CELSR1: variants seen among roughly 807,000 people sequenced by gnomAD.
The protein encoded by CELSR1 is adhesion G protein-coupled receptor C1.
Under a neutral mutation model 249.1 loss-of-function variants are expected in CELSR1, and 110 were observed. That is an observed-to-expected ratio of 0.44 (90% CI 0.38 to 0.52). The LOEUF (loss-of-function observed/expected upper bound fraction) is 0.52, where lower values mean the gene tolerates loss of function less well. Among genes scored for constraint, CELSR1 ranks in the 20% least tolerant of loss-of-function variants. The probability of loss-of-function intolerance (pLI) is 0.00; values close to 1 mark genes in which losing one functional copy is unlikely to be tolerated. For synonymous variants in CELSR1, 2,113 were observed against 1,900.0 expected, an observed-to-expected ratio of 1.11 and a Z score of -2.92; for missense variants, 4,109 against 4,296.4, an observed-to-expected ratio of 0.96 and a Z score of 1.22.
chr22:46,391,359 C>A lies in CELSR1; in HGVS notation c.6149-72G>T. On this transcript the variant is annotated intron_variant, in intron 15 of 34. Coordinates refer to ENST00000674500, the MANE Select transcript of CELSR1 (RefSeq NM_001378328.1). The surrounding 1 kb of genome is among the most constrained non-coding windows in gnomAD (Gnocchi z 4.3). ...CACGACCACAAACAGGCACCACTGT[C>A]TGCATGCGCCTCCCTGCAGGAGGCC... The A allele has an allele frequency of 7.5e-7, 1 of 1,334,412 alleles. No individual in the cohort carries two copies. Among genetic ancestry groups the A allele is most frequent in the South Asian group, 1.2e-5 (1 of 80,686 alleles). The allele number at this position is 1,334,412 out of a possible 1,614,324, so 82.7% of individuals were successfully genotyped here.
rs1294354284 is a variant in CELSR1 at position 46,430,579 on chromosome 22, C to A, written c.4611+2814G>T. Among the ~76,000 whole-genome samples the A allele has an allele frequency of 6.6e-6, 1 of 152,186 alleles. No individual in the cohort carries two copies. The highest frequency in any genetic ancestry group is 1.5e-5 in the Non-Finnish European group (1 of 68,030). On this transcript the variant is annotated intron_variant, in intron 5 of 34. Coordinates refer to ENST00000674500, the MANE Select transcript of CELSR1 (RefSeq NM_001378328.1). The surrounding 1 kb of genome is among the most constrained non-coding windows in gnomAD (Gnocchi z 4.6). ...TCCTCCTCCTGGGGGTCCCCTCCCA[C>A]CCTGAGCCTGTCGTCTTCCCCAAAA...
rs1602124622 is a variant in CELSR1 at position 46,430,189 on chromosome 22, G to C, written c.4611+3204C>G. Among the ~76,000 whole-genome samples the C allele has an allele frequency of 1.3e-5, 2 of 152,238 alleles. No individual in the cohort carries two copies. The highest frequency in any genetic ancestry group is 4.1e-4 in the South Asian group (2 of 4,830). ...GCCACTCTGGAGGGCGGGGGACAGA[G>C]AACGAGACTGAAGAGAGGAGGGTGG... is the stretch of plus-strand genomic sequence containing the variant. On this transcript the variant is annotated intron_variant, in intron 5 of 34. Transcript: ENST00000674500. This position sits in a 1 kb window ranked among gnomAD's most constrained non-coding sequence, Gnocchi z 4.6.
chr22:46,438,412 A>G (rs1203243490), intron 3 of CELSR1, among the ~76,000 whole-genome samples: 2 of 152,140 alleles, frequency 1.3e-5, no homozygotes, highest in African/African-American at 4.8e-5. Flanking sequence ...GGCCCTGCCC[A>G]CAGCCCCCAC....
chr22:46,405,740 T>C (rs1202433930), intron 9 of CELSR1, among the ~76,000 whole-genome samples: 2 of 152,166 alleles, frequency 1.3e-5, no homozygotes, highest in African/African-American at 2.4e-5. Context: ...GGGATTACAA[T>C]GGAGTCTTCT....
At chr22:46,376,470 G>A (rs1443970890) in intron 24 of CELSR1, among the ~76,000 whole-genome samples, 1 of 152,112 alleles carries the variant, frequency 6.6e-6, no homozygotes, top group East Asian at 1.9e-4. Context: ...TGCCTCCCAG[G>A]CTCAAGCAAT....
rs781480642 is a variant in CELSR1 at position 46,535,086 on chromosome 22, A to T, written c.2085T>A (p.Arg695=). 6 of 1,612,192 alleles carry T rather than the reference A, an allele frequency of 3.7e-6. No individual in the cohort carries two copies. The Admixed American group carries it at 1.0e-4, about 27-fold the overall frequency. ...TCCCCACGGCCGCATCCTCATTCAGACGAAGCTCGTAGGTGGGCTGCGTGA... is the reference window on the plus strand; with the variant it reads ...TCCCCACGGCCGCATCCTCATTCAGTCGAAGCTCGTAGGTGGGCTGCGTGA... ...PVFTQPTYEL[R]LNEDAAVGSS... is the part of the protein sequence containing the mutation. The change falls in exon 1 of 35, where the codon CGT becomes CGA. Residue 695 remains arginine (R), a synonymous_variant. Transcript: ENST00000674500.
At chr22:46,366,549 CTG>C in intron 29 of CELSR1, 69 bp from the exon 30 acceptor site, 1 of 1,267,222 alleles carries the variant, frequency 7.9e-7, no homozygotes, top group Non-Finnish European at 1.1e-6. Flanking sequence ...GGGAATGACT[CTG>C]TCCCCACGGC....
rs2080833404 is a variant in CELSR1 at position 46,534,860 on chromosome 22, G to A, written c.2311C>T (p.His771Tyr). Residue 771 changes from histidine (H) to tyrosine (Y), a missense_variant, in exon 1 of 35, where the codon CAC becomes TAC. By Grantham distance (83) the His-to-Tyr change is moderately conservative (BLOSUM62 2). Around this residue, in one of 7 missense-constraint regions of CELSR1, gnomAD observed 886 missense variants for 896.5 expected, o/e 0.99. Coordinates refer to ENST00000674500, the MANE Select transcript of CELSR1 (RefSeq NM_001378328.1). The surrounding 1 kb of genome is among the most constrained non-coding windows in gnomAD (Gnocchi z 9.7). ...ACGTTGATTAGGACATGCGCAGTGT[G>A]CGACCGTGTGCCGTCGGATGCTGTC... The part of the protein sequence containing the change: ...AVTASDGTRS[H>Y]TAHVLINVTD... The A allele has an allele frequency of 3.7e-6, 6 of 1,612,752 alleles. No individual in the cohort carries two copies. The Admixed American group carries it at 6.7e-5, about 18-fold the overall frequency.
chr22:46,525,329 A>G lies in CELSR1; in HGVS notation c.3544+8298T>C, dbSNP rs568419276. Among the ~76,000 whole-genome samples the G allele has an allele frequency of 3.8e-4, 58 of 152,152 alleles. 1 individual carries two copies. Among genetic ancestry groups the G allele is most frequent in the African/African-American group, 1.3e-3 (55 of 41,512 alleles). On this transcript the variant is annotated intron_variant, in intron 1 of 34. Coordinates refer to ENST00000674500, the MANE Select transcript of CELSR1 (RefSeq NM_001378328.1). ...CCGGGTGTGGTGGTGCGCGCCTGTC[A>G]TCTCCGCTACTCGGGAGGCTGAGGC...
Position 46,496,627 on chromosome 22 carries a change from AT to A in CELSR1, c.3545-32283del, listed in dbSNP as rs55785020. ...TTATTCTATAAGCTTTTATCTATTA[AT>A]TTTTTTTTTTTACTTTGTGTTAAAA... On this transcript the variant is annotated intron_variant, in intron 1 of 34. Transcript: ENST00000674500. Among the ~76,000 whole-genome samples the A allele has an allele frequency of 2.7e-3, 412 of 150,868 alleles. 2 individuals carry two copies. The highest frequency in any genetic ancestry group is 0.013 in the East Asian group (68 of 5,148).
rs201318878 is a variant in CELSR1, at chr22:46,534,864, C to T, written c.2307G>A (p.Arg769=). 6.3e-5 allele frequency: 102 copies of T among 1,612,852 alleles called. 1 individual carries two copies. In the South Asian group the frequency reaches 1.1e-3, roughly 17 times the overall value. Reference sequence around the variant, plus strand: ...TGATTAGGACATGCGCAGTGTGCGACCGTGTGCCGTCGGATGCTGTCACCG... The same window carrying T: ...TGATTAGGACATGCGCAGTGTGCGATCGTGTGCCGTCGGATGCTGTCACCG... ...VLAVTASDGT[R]SHTAHVLINV... Residue 769 remains arginine, a synonymous_variant, in exon 1 of 35, where the codon CGG becomes CGA. Transcript: ENST00000674500. This position sits in a 1 kb window ranked among gnomAD's most constrained non-coding sequence, Gnocchi z 9.7.
intron 25 of CELSR1, chr22:46,370,034 T>G: frequency 1.6e-6 from 1 of 623,140 alleles, no homozygotes; most frequent in South Asian, 1.5e-5. Context: ...ATTGGCCCCA[T>G]GAGGCAGGGG....
chr22:46,410,653 C>T lies in CELSR1; in HGVS notation c.4770-92G>A. 7.6e-7 allele frequency: 1 copy of T among 1,315,868 alleles called. No homozygotes were observed. 81.5% of individuals were successfully genotyped at this position (1,315,868 alleles called of 1,614,324 possible). A position where few individuals can be genotyped will look rare whatever the true frequency, so the allele number is the denominator to read the frequency against. ...CGCAGTTGCCTCTGTGTAGCCTCTA[C>T]CACCATAACTACTTCAGAAACCAAG... On this transcript the variant is annotated intron_variant, in intron 6 of 34. Coordinates refer to ENST00000674500, the MANE Select transcript of CELSR1 (RefSeq NM_001378328.1). This position sits in a 1 kb window ranked among gnomAD's most constrained non-coding sequence, Gnocchi z 6.8.
Position 46,366,466 on chromosome 22 carries a change from G to T in CELSR1, c.8220C>A (p.Cys2740Ter). 6.4e-7 allele frequency: 1 copy of T among 1,550,448 alleles called. No homozygotes were observed. Among genetic ancestry groups the T allele is most frequent in the Non-Finnish European group, 8.7e-7 (1 of 1,146,750 alleles). The part of the protein sequence containing the change: ...RATLLTRSLN[C>*]NTTFGDGPDM... ...CAGGCCCGTCACCGAAGGTGGTGTTGCAGTTGAGGGAGCGCTGAAGGGAGG... is the reference window on the plus strand; with the variant it reads ...CAGGCCCGTCACCGAAGGTGGTGTTTCAGTTGAGGGAGCGCTGAAGGGAGG... The change falls in exon 30 of 35, where the codon TGC becomes TGA. Residue 2740 changes from cysteine to a stop codon, truncating the protein, a stop_gained. Transcript: ENST00000674500. LOFTEE classifies it high-confidence loss of function.
Position 46,378,657 on chromosome 22 carries a change from T to A in CELSR1, c.7317A>T (p.Thr2439=). 1 of 1,609,878 alleles carries A rather than the reference T, an allele frequency of 6.2e-7. No individual in the cohort carries two copies. Among genetic ancestry groups the A allele is most frequent in the Non-Finnish European group, 8.5e-7 (1 of 1,179,064 alleles). Residue 2439 remains threonine, a synonymous_variant, in exon 23 of 35, where the codon ACA becomes ACT. Transcript: ENST00000674500. ...TGTGGCTGCACTGGCAGGCGACATG[T>A]GTCCGGTTCCTGGACAGGAGCTCGC... ...RGCELLSRNR[T]HVACQCSHTA...
intron 18 of CELSR1, among the ~76,000 whole-genome samples, chr22:46,387,206 T>C (rs6008791): frequency 0.13 from 19,438 of 152,220 alleles, 2,151 homozygotes; most frequent in African/African-American, 0.3. Context: ...CTTAAATGCT[T>C]GGAAGGTCTG....
chr22:46,389,255 G>T, intron 18 of CELSR1, 35 bp downstream of exon 18: 1 of 1,597,392 alleles, frequency 6.3e-7, no homozygotes, highest in Non-Finnish European at 8.5e-7. Flanking sequence ...GTGTCCCCGA[G>T]TGTCCCCGAG....
rs1184323653 is a variant in CELSR1 at position 46,417,399 on chromosome 22, A to G, written c.4612-5640T>C. ...AATGCAAACCTCAGACCGAGCTGCT[A>G]CTTCCTGGTGGTCCCAATACCCCTA... On this transcript the variant is annotated intron_variant, in intron 5 of 34. Transcript: ENST00000674500. The surrounding 1 kb of genome is among the most constrained non-coding windows in gnomAD (Gnocchi z 4.1). Among the ~76,000 whole-genome samples, 1 of 152,220 alleles carries G rather than the reference A, an allele frequency of 6.6e-6. No individual in the cohort carries two copies. The highest frequency in any genetic ancestry group is 1.9e-4 in the East Asian group (1 of 5,200).
Position 46,410,191 on chromosome 22 carries a change from C to A in CELSR1, c.4933+207G>T, listed in dbSNP as rs1307428917. Among the ~76,000 whole-genome samples the A allele has an allele frequency of 1.3e-5, 2 of 152,226 alleles. No homozygotes were observed. Among genetic ancestry groups the A allele is most frequent in the Non-Finnish European group, 2.9e-5 (2 of 68,044 alleles). ...GCTGGGCCAGCAGTGCCAAGGCAAC[C>A]CCAAACTGCAGATGCAGGAACTGCG... On this transcript the variant is annotated intron_variant, in intron 7 of 34. Coordinates refer to ENST00000674500, the MANE Select transcript of CELSR1 (RefSeq NM_001378328.1). This position sits in a 1 kb window ranked among gnomAD's most constrained non-coding sequence, Gnocchi z 6.8.
Sources: gnomAD v4.1 joint callset for allele counts (sites outside exome capture counted in the v4.1 genomes callset) on GRCh38, gnomAD v4.1.1 for gene constraint, gnomAD v4.1.1 regional missense constraint, Gnocchi (gnomAD v3.1) non-coding constraint, MANE v1.5 for transcripts, NCBI Gene and HGNC (gene_info 2026-07-23, HGNC 2026-07-21) for gene names.